DNAH7: variants seen among roughly 807,000 people sequenced by gnomAD.
The protein encoded by DNAH7 is dynein axonemal heavy chain 7.
In DNAH7, 397 loss-of-function variants were observed where a neutral mutation model predicts 444.6. The observed-to-expected ratio is 0.89, with a 90% CI of 0.82 to 0.97. The LOEUF is 0.97. DNAH7 is among the 50% of genes least tolerant of loss of function. DNAH7 has a pLI of 0.00. For missense variants in DNAH7, 4,902 were observed against 4,800.8 expected, an observed-to-expected ratio of 1.02 and a Z score of -0.62; for synonymous variants, 1,636 against 1,624.4, an observed-to-expected ratio of 1.01 and a Z score of -0.17.
At position 196,001,674 on chromosome 2, in the gene DNAH7, C is replaced by T; in HGVS notation, c.1173+1G>A. On this transcript the variant is annotated splice_donor_variant, in intron 11 of 64. Transcript: ENST00000312428. LOFTEE classifies it high-confidence loss of function. ...ATATTGGTGAACTGAACCATACTTA[C>T]TGGGGGTTGTGCAATTAAGTCCGTG... 6.5e-7 allele frequency: 1 copy of T among 1,546,822 alleles called. No individual in the cohort carries two copies. Among genetic ancestry groups the T allele is most frequent in the Non-Finnish European group, 8.7e-7 (1 of 1,147,106 alleles).
intron 40 of DNAH7, among the ~76,000 whole-genome samples, chr2:195,866,871 G>T (rs1260350562): frequency 1.3e-5 from 2 of 152,120 alleles, no homozygotes; most frequent in Non-Finnish European, 2.9e-5. Flanking sequence ...CATGGGGTGG[G>T]TCTTTCCCGT....
In DNAH7 at chr2:195,807,528, A is replaced by T. The variant is rs1201670091; in HGVS notation, c.10084-696T>A. ...ATTTACAAAAATAAATAAATATTTC[A>T]AAACAAGTAAAAAGGGTATTGTACT... On this transcript the variant is annotated intron_variant, in intron 53 of 64. Coordinates refer to ENST00000312428, the MANE Select transcript of DNAH7 (RefSeq NM_018897.3). 2.0e-5 allele frequency among the ~76,000 whole-genome samples: 3 copies of T among 152,340 alleles called. No homozygotes were observed. The East Asian group carries it at 5.8e-4, about 29-fold the overall frequency.
chr2:195,935,879 T>A (rs1471712645), intron 20 of DNAH7, among the ~76,000 whole-genome samples: 1 of 152,092 alleles, frequency 6.6e-6, no homozygotes, highest in African/African-American at 2.4e-5. Context: ...GAAAGGAGGC[T>A]GCCCCTTTTA....
rs549198308 is a variant in DNAH7 at position 195,998,031 on chromosome 2, T to A, written c.1353+2673A>T. Among the ~76,000 whole-genome samples the A allele has an allele frequency of 1.3e-3, 194 of 152,226 alleles. 1 individual carries two copies. Among genetic ancestry groups the A allele is most frequent in the Non-Finnish European group, 2.1e-3 (143 of 68,010 alleles). Reference sequence around the variant, plus strand: ...AGTACCTTTGAACCTAAAATAAAAGTTGAAAAACAAAATGTGTTACCAGAT... The same window carrying A: ...AGTACCTTTGAACCTAAAATAAAAGATGAAAAACAAAATGTGTTACCAGAT... On this transcript the variant is annotated intron_variant, in intron 12 of 64. Transcript: ENST00000312428.
In DNAH7 at chr2:195,889,081, A is replaced by G. The variant is rs967453615; in HGVS notation, c.5047-100T>C. 4 of 1,108,088 alleles carry G rather than the reference A, an allele frequency of 3.6e-6. No individual in the cohort carries two copies. In the African/African-American group the frequency reaches 6.4e-5, roughly 18 times the overall value. 68.6% of individuals were successfully genotyped at this position (1,108,088 alleles called of 1,614,324 possible). A position where few individuals can be genotyped will look rare whatever the true frequency, so the allele number is the denominator to read the frequency against. ...TTCAAAATTTTAAAATATAAGTACT[A>G]GGATTAATTTCATCATGAAAACGTA... On this transcript the variant is annotated intron_variant, in intron 31 of 64. Transcript: ENST00000312428.
intron 52 of DNAH7, among the ~76,000 whole-genome samples, chr2:195,809,505 TAATC>T (rs1227636914): frequency 6.6e-6 from 1 of 152,184 alleles, no homozygotes; most frequent in African/African-American, 2.4e-5. Context: ...AAATCTAATA[TAATC>T]AATTTATTTT....
Position 195,884,715 on chromosome 2 carries a change from T to C in DNAH7, c.5633A>G (p.Glu1878Gly). Residue 1878 changes from glutamate (E) to glycine (G), a missense_variant, in exon 35 of 65, where the codon GAA (glutamate) becomes GGA (glycine). Physicochemically the swap from Glu to Gly is moderately conservative, Grantham distance 98. Coordinates refer to ENST00000312428, the MANE Select transcript of DNAH7 (RefSeq NM_018897.3). ...TCGAGTTCGATCTGAAATTGGACTT[T>C]CCATTAGTTCTCGAAGAATCTTATT... ...KFNKILRELM[E>G]SPISDRTRNT... The C allele has an allele frequency of 3.7e-6, 6 of 1,614,198 alleles. No homozygotes were observed. Among genetic ancestry groups the C allele is most frequent in the Non-Finnish European group, 4.2e-6 (5 of 1,180,024 alleles).
intron 6 of DNAH7, among the ~76,000 whole-genome samples, chr2:196,027,259 T>C (rs1695747393): frequency 6.6e-6 from 1 of 152,000 alleles, no homozygotes; most frequent in African/African-American, 2.4e-5. Flanking sequence ...ATTTGTTAGT[T>C]TTTCTCTTTT....
chr2:196,050,351 T>C (rs2125859760), intron 3 of DNAH7, among the ~76,000 whole-genome samples: 1 of 151,780 alleles, frequency 6.6e-6, no homozygotes, highest in South Asian at 2.1e-4. Context: ...GAGGGGAAAA[T>C]GGGGAGTCAT....
chr2:195,771,957 A>T, intron 60 of DNAH7, 67 bp from the exon 61 acceptor site: 1 of 1,305,700 alleles, frequency 7.7e-7, no homozygotes, highest in South Asian at 1.2e-5. Context: ...AATAGGAAAA[A>T]TCCTAAGGTA....
intron 11 of DNAH7, 54 bp from the exon 12 acceptor site, chr2:196,000,937 TAAG>T: frequency 7.1e-7 from 1 of 1,408,944 alleles, no homozygotes; most frequent in Non-Finnish European, 9.5e-7. Context: ...TGTGACAGAC[TAAG>T]TAGTACACCA....
In DNAH7 at chr2:195,895,060, A is replaced by C. The variant is rs1278362754; in HGVS notation, c.4812T>G (p.Gly1604=). 1 of 1,613,452 alleles carries C rather than the reference A, an allele frequency of 6.2e-7. No homozygotes were observed. The highest frequency in any genetic ancestry group is 1.3e-5 in the African/African-American group (1 of 74,916). The change falls in exon 30 of 65, where the codon GGT becomes GGG. Residue 1604 remains glycine (G), a synonymous_variant. Transcript: ENST00000312428. ...CAAATGGTTCTCCAACAATCATAAA[A>C]CCATGACGCACAATCATCATTTCAT... is the stretch of plus-strand genomic sequence containing the variant. ...QVYEMMIVRH[G]FMIVGEPFGG... is the part of the protein sequence containing the mutation.
intron 26 of DNAH7, 26 bp from the exon 27 acceptor site, chr2:195,906,812 C>T (rs778959228): frequency 2.5e-6 from 4 of 1,612,044 alleles, no homozygotes; most frequent in South Asian, 2.2e-5. Flanking sequence ...AATGAAATGA[C>T]TTAGTAATAC....
chr2:195,995,867 C>T (rs1693663994), intron 12 of DNAH7, among the ~76,000 whole-genome samples: 1 of 152,156 alleles, frequency 6.6e-6, no homozygotes, highest in Non-Finnish European at 1.5e-5. Flanking sequence ...ATTGCTTTGG[C>T]TATTCAGGGT....
intron 19 of DNAH7, among the ~76,000 whole-genome samples, chr2:195,949,265 T>C (rs1168297926): frequency 6.6e-6 from 1 of 152,086 alleles, no homozygotes; most frequent in Non-Finnish European, 1.5e-5. Flanking sequence ...TCTCTTCCTT[T>C]TTGAATACCA....
chr2:196,015,719 T>A (rs906401877), intron 9 of DNAH7, among the ~76,000 whole-genome samples: 16 of 152,204 alleles, frequency 1.1e-4, no homozygotes, highest in African/African-American at 3.9e-4. Context: ...TGCATTAACA[T>A]TCCCCAACCC....
intron 63 of DNAH7, among the ~76,000 whole-genome samples, chr2:195,748,324 T>G (rs917925941): frequency 3.9e-5 from 6 of 152,066 alleles, no homozygotes; most frequent in Admixed American, 6.5e-5. Flanking sequence ...CACTGCTCAA[T>G]GAAATAAAAG....
chr2:196,025,482 C>A (rs1020760347), intron 7 of DNAH7, among the ~76,000 whole-genome samples: 3 of 152,100 alleles, frequency 2.0e-5, no homozygotes, highest in Admixed American at 2.0e-4. Context: ...GCACCCTATG[C>A]TTTGGCTTCA....
At chr2:195,787,919 C>T (rs1448157698) in intron 57 of DNAH7, among the ~76,000 whole-genome samples, 1 of 152,000 alleles carries the variant, frequency 6.6e-6, no homozygotes, top group Non-Finnish European at 1.5e-5. Context: ...TTAAAGGTGC[C>T]CTGGTTAAGA....
Sources: allele counts gnomAD v4.1 joint callset (sites outside exome capture counted in the v4.1 genomes callset), GRCh38; gene constraint gnomAD v4.1.1; transcripts MANE v1.5; gene names NCBI Gene and HGNC (gene_info 2026-07-23, HGNC 2026-07-21).